BMPR2: variants seen among roughly 807,000 people sequenced by gnomAD.
BMPR2 encodes bone morphogenetic protein receptor type-2.
In BMPR2, 29 loss-of-function variants were observed where a neutral mutation model predicts 100.8. That is an observed-to-expected ratio of 0.29 (90% CI 0.21 to 0.39). The LOEUF is 0.39. BMPR2 is among the 10% of genes least tolerant of loss of function. The pLI is 1.00. For missense variants in BMPR2, 1,011 were observed against 1,274.5 expected, an observed-to-expected ratio of 0.79 and a Z score of 3.15; for synonymous variants, 382 against 442.3, an observed-to-expected ratio of 0.86 and a Z score of 1.71.
chr2:202,387,625 A>G (rs908043524), intron 1 of BMPR2, among the ~76,000 whole-genome samples: 4 of 152,204 alleles, frequency 2.6e-5, no homozygotes, highest in Non-Finnish European at 5.9e-5. Context: ...AATGACAGCA[A>G]ATATCTTAGG....
chr2:202,376,542 GGCGGCAGCAGCA>G lies in BMPR2; in HGVS notation c.-927_-916del, dbSNP rs1368674990. Among the ~76,000 whole-genome samples the G allele has an allele frequency of 4.9e-5, 7 of 141,526 alleles. No individual in the cohort carries two copies. Among genetic ancestry groups the G allele is most frequent in the African/African-American group, 1.6e-4 (6 of 38,450 alleles). 92.8% of individuals were successfully genotyped at this position (141,526 alleles called of 152,430 possible). A position where few individuals can be genotyped will look rare whatever the true frequency, so the allele number is the denominator to read the frequency against. On this transcript the variant is annotated 5_prime_UTR_variant, in exon 1 of 13. Transcript: ENST00000374580. ...CGGCGGCGGCGGCGGCGGCGGCGGC[GGCGGCAGCAGCA>G]GCGGCTTCCTCGGGGGGTTGTGATT...
chr2:202,391,224 C>T (rs904670625), intron 1 of BMPR2, among the ~76,000 whole-genome samples: 6 of 152,004 alleles, frequency 3.9e-5, no homozygotes, highest in African/African-American at 1.5e-4. Flanking sequence ...GATCCGCCCG[C>T]CTCAGCCTCC....
intron 1 of BMPR2, among the ~76,000 whole-genome samples, chr2:202,446,228 T>G (rs1000136110): frequency 1.3e-5 from 2 of 149,990 alleles, no homozygotes; most frequent in African/African-American, 5.1e-5. Flanking sequence ...GGAGAAACCC[T>G]GTCTCTACTA....
At chr2:202,474,813 G>C (rs562364468) in intron 3 of BMPR2, 12 of 152,174 alleles carry the variant, frequency 7.9e-5, no homozygotes, top group Non-Finnish European at 1.6e-4. Flanking sequence ...GAGCCACCGC[G>C]CCTGCTGGAA....
At chr2:202,535,209 G>A (rs1030142634) in intron 9 of BMPR2, among the ~76,000 whole-genome samples, 2 of 151,636 alleles carry the variant, frequency 1.3e-5, no homozygotes, top group South Asian at 2.1e-4. Flanking sequence ...CCTCCCGGAC[G>A]GGGTGGCTGC....
rs1559047466 is a variant in BMPR2, at chr2:202,467,398, A to G, written c.248-121A>G. 8.0e-6 allele frequency: 7 copies of G among 876,236 alleles called. No homozygotes were observed. The Admixed American group carries it at 1.3e-4, about 16-fold the overall frequency. The allele number at this position is 876,236 out of a possible 1,614,324, so 54.3% of individuals were successfully genotyped here. A position where few individuals can be genotyped will look rare whatever the true frequency, so the allele number is the denominator to read the frequency against. ...AAAAATATGTTTCCTGTTGATTTGC[A>G]AAACTGTTTCATAGCTTACACGTAC... On this transcript the variant is annotated intron_variant, in intron 2 of 12. Coordinates refer to ENST00000374580, the MANE Select transcript of BMPR2 (RefSeq NM_001204.7).
chr2:202,497,681 G>A (rs35935965), intron 3 of BMPR2, among the ~76,000 whole-genome samples: 3 of 152,098 alleles, frequency 2.0e-5, no homozygotes, highest in South Asian at 2.1e-4. Flanking sequence ...CCCATCTATC[G>A]TATCTATCCT....
chr2:202,472,789 A>AT (rs1257757487), intron 3 of BMPR2, among the ~76,000 whole-genome samples: 1 of 152,250 alleles, frequency 6.6e-6, no homozygotes, highest in Non-Finnish European at 1.5e-5. Context: ...AAGTAGGAAT[A>AT]TTGCCAGCTA....
rs372830838 is a variant in BMPR2, at chr2:202,377,741, A to G, written c.76+191A>G. 5.3e-5 allele frequency among the ~76,000 whole-genome samples: 8 copies of G among 152,186 alleles called. No individual in the cohort carries two copies. In the East Asian group the frequency reaches 1.5e-3, roughly 29 times the overall value. On this transcript the variant is annotated intron_variant, in intron 1 of 12. Transcript: ENST00000374580. ...GAAATCGCCTTTAATATTCTTGTGT[A>G]TTTTCCTATCCCCACTTCCATATTC...
intron 1 of BMPR2, among the ~76,000 whole-genome samples, chr2:202,386,922 A>G (rs1690441236): frequency 6.6e-6 from 1 of 152,068 alleles, no homozygotes; most frequent in African/African-American, 2.4e-5. Context: ...TGACCTCGTG[A>G]TCTGCCCACC....
At chr2:202,441,923 C>T (rs1691755763) in intron 1 of BMPR2, among the ~76,000 whole-genome samples, 1 of 148,990 alleles carries the variant, frequency 6.7e-6, no homozygotes, top group African/African-American at 2.6e-5. Flanking sequence ...ATCCCAGCTA[C>T]TCGGGAGGCT....
chr2:202,415,867 T>C (rs1259597765), intron 1 of BMPR2, among the ~76,000 whole-genome samples: 1 of 152,250 alleles, frequency 6.6e-6, no homozygotes, highest in African/African-American at 2.4e-5. Flanking sequence ...TCATGCCTGG[T>C]AAGACAACAT....
chr2:202,377,464 C>T lies in BMPR2; in HGVS notation c.-11C>T, dbSNP rs745474189. 1.9e-6 allele frequency: 3 copies of T among 1,614,164 alleles called. No homozygotes were observed. The Admixed American group carries it at 5.0e-5, about 27-fold the overall frequency. ...TTTTCTTTGCCCTCCTGATTCTTGG[C>T]TGGCCCAGGGATGACTTCCTCGCTG... On this transcript the variant is annotated 5_prime_UTR_variant, in exon 1 of 13. Transcript: ENST00000374580.
intron 10 of BMPR2, among the ~76,000 whole-genome samples, 157 bp downstream of exon 10, chr2:202,542,604 A>G (rs776687779): frequency 2.0e-5 from 3 of 152,230 alleles, no homozygotes; most frequent in African/African-American, 7.2e-5. Flanking sequence ...AAATTTTTCA[A>G]TATGAAAAAA....
rs1313513211 is a variant in BMPR2, at chr2:202,495,449, C to T, written c.419-18270C>T. On this transcript the variant is annotated intron_variant, in intron 3 of 12. Transcript: ENST00000374580. This position sits in a 1 kb window ranked among gnomAD's most constrained non-coding sequence, Gnocchi z 4.5. Reference sequence around the variant, plus strand: ...TGCTCTTCTGCTGGCGTGCTCCTCTCGACGACCAGCCACTTTCTTCCGCCG... The same window carrying T: ...TGCTCTTCTGCTGGCGTGCTCCTCTTGACGACCAGCCACTTTCTTCCGCCG... Among the ~76,000 whole-genome samples, 2 of 152,162 alleles carry T rather than the reference C, an allele frequency of 1.3e-5. No individual in the cohort carries two copies. The highest frequency in any genetic ancestry group is 2.4e-5 in the African/African-American group (1 of 41,432).
intron 1 of BMPR2, among the ~76,000 whole-genome samples, chr2:202,394,046 G>A (rs957208830): frequency 6.6e-6 from 1 of 151,942 alleles, no homozygotes; most frequent in Non-Finnish European, 1.5e-5. Context: ...TGAAGGAACC[G>A]GTTGTATAAA....
intron 5 of BMPR2, among the ~76,000 whole-genome samples, chr2:202,517,917 A>G (rs1287984032): frequency 7.2e-6 from 1 of 138,990 alleles, no homozygotes; most frequent in Non-Finnish European, 1.5e-5. Flanking sequence ...GGTTCACGCC[A>G]TTCTCCTGCC....
intron 3 of BMPR2, among the ~76,000 whole-genome samples, chr2:202,489,595 G>A (rs1248047057): frequency 6.6e-6 from 1 of 152,092 alleles, no homozygotes; most frequent in Non-Finnish European, 1.5e-5. Flanking sequence ...TGATCTTTAG[G>A]AATATTACAT....
At chr2:202,409,038 A>G (rs1383641812) in intron 1 of BMPR2, among the ~76,000 whole-genome samples, 1 of 152,144 alleles carries the variant, frequency 6.6e-6, no homozygotes, top group Non-Finnish European at 1.5e-5. Context: ...ACTCTTCTTA[A>G]ATGTTCATCA....
Sources: allele counts gnomAD v4.1 joint callset (sites outside exome capture counted in the v4.1 genomes callset), GRCh38; gene constraint gnomAD v4.1.1; non-coding constraint Gnocchi (gnomAD v3.1); transcripts MANE v1.5; gene names NCBI Gene and HGNC (gene_info 2026-07-23, HGNC 2026-07-21).